Variants in SORCS1 observed in about 807,000 individuals in gnomAD.
SORCS1 encodes VPS10 domain-containing receptor SorCS1.
In SORCS1, 60 loss-of-function variants were observed where a neutral mutation model predicts 146.1. The ratio of observed to expected loss-of-function variants is 0.41; its 90% CI spans 0.33 to 0.51. The LOEUF is 0.51. Ranked by LOEUF, SORCS1 falls within the 20% of genes least tolerant of loss-of-function variation. The probability of loss-of-function intolerance (pLI) is 0.21; values close to 1 mark genes in which losing one functional copy is unlikely to be tolerated. For missense variants in SORCS1, 1,352 were observed against 1,487.6 expected (o/e 0.91, Z 1.50); for synonymous variants, 637 against 584.0 (o/e 1.09, Z -1.31).
intron 1 of SORCS1, among the ~76,000 whole-genome samples, chr10:106,959,919 T>C (rs1426470281): frequency 6.6e-6 from 1 of 152,096 alleles, no homozygotes; most frequent in Admixed American, 6.5e-5. Context: ...AAAAACTGAG[T>C]TCAAGTGTAG....
chr10:106,717,355 T>C (rs942900550), intron 6 of SORCS1, among the ~76,000 whole-genome samples: 4 of 152,246 alleles, frequency 2.6e-5, no homozygotes, highest in Non-Finnish European at 4.4e-5. Flanking sequence ...TCTAGTGCCC[T>C]CTGTCACATG....
chr10:106,777,145 C>T (rs1299293457), intron 3 of SORCS1, among the ~76,000 whole-genome samples: 1 of 152,114 alleles, frequency 6.6e-6, no homozygotes, highest in East Asian at 1.9e-4. Context: ...CGAATCTTTT[C>T]ATTCCACTTC....
intron 5 of SORCS1, among the ~76,000 whole-genome samples, chr10:106,759,982 CTATCTA>C (rs1858955129): frequency 6.6e-6 from 1 of 152,114 alleles, no homozygotes; most frequent in Non-Finnish European, 1.5e-5. Flanking sequence ...GCAAGTATCT[CTATCTA>C]TATATGTTAG....
chr10:107,044,460 CAAAT>C (rs1959208083), intron 1 of SORCS1, among the ~76,000 whole-genome samples: 1 of 60,416 alleles, frequency 1.7e-5, no homozygotes, highest in African/African-American at 6.5e-5. Context: ...ATGAAATAAA[CAAAT>C]AAATAAGAAA....
intron 24 of SORCS1, among the ~76,000 whole-genome samples, chr10:106,592,869 G>A (rs1463851005): frequency 6.6e-6 from 1 of 151,236 alleles, no homozygotes; most frequent in East Asian, 1.9e-4. Context: ...CAATTGTGGT[G>A]GCTCATGCCT....
intron 2 of SORCS1, among the ~76,000 whole-genome samples, chr10:106,856,279 G>A (rs938161949): frequency 3.9e-5 from 6 of 152,006 alleles, no homozygotes; most frequent in Non-Finnish European, 7.4e-5. Context: ...CACCCACCTC[G>A]GCCTCCCAAA....
chr10:106,699,306 A>C lies in SORCS1; in HGVS notation c.1321T>G (p.Ser441Ala). The change falls in exon 9 of 26, where the codon TCA becomes GCA. Residue 441 changes from serine to alanine, a missense_variant. By Grantham distance (99) the Ser-to-Ala change is moderately conservative. Transcript: ENST00000263054. ...GTGAAGTAGACACCACGTGTGTCTG[A>C]GATGTAGAGGTTGTACGTGTCATTC... ...NQNDTYNLYI[S>A]DTRGVYFTLA... 1 of 1,614,028 alleles carries C rather than the reference A, an allele frequency of 6.2e-7. No homozygotes were observed. The highest frequency in any genetic ancestry group is 8.5e-7 in the Non-Finnish European group (1 of 1,179,924).
intron 19 of SORCS1, among the ~76,000 whole-genome samples, 168 bp from the exon 20 acceptor site, chr10:106,620,729 T>C (rs574465884): frequency 2.0e-5 from 3 of 152,358 alleles, no homozygotes; most frequent in South Asian, 2.1e-4. Flanking sequence ...AAAGAATACA[T>C]TGAGCACAAT....
At chr10:106,919,587 T>A (rs1403035054) in intron 2 of SORCS1, among the ~76,000 whole-genome samples, 1 of 152,156 alleles carries the variant, frequency 6.6e-6, no homozygotes, top group African/African-American at 2.4e-5. Flanking sequence ...CCATAGAGCA[T>A]GAAGTGAAAA....
intron 1 of SORCS1, among the ~76,000 whole-genome samples, chr10:106,972,184 C>A (rs944725767): frequency 7.2e-5 from 11 of 151,898 alleles, no homozygotes; most frequent in African/African-American, 2.7e-4. Flanking sequence ...GAGTTTGAGA[C>A]CAGTCTGACC....
chr10:107,176,038 A>G, the SORCS1 span, among the ~76,000 whole-genome samples: 1 of 152,152 alleles, frequency 6.6e-6, no homozygotes, highest in East Asian at 1.9e-4. Flanking sequence ...ATACACACAT[A>G]TATATGTGTA....
intron 1 of SORCS1, among the ~76,000 whole-genome samples, chr10:106,987,608 A>T (rs373566290): frequency 2.6e-5 from 4 of 152,144 alleles, no homozygotes; most frequent in Non-Finnish European, 4.4e-5. Flanking sequence ...CTGTATAAAC[A>T]TAGTTCCCGC....
At chr10:106,649,862 C>T (rs969159206) in intron 18 of SORCS1, among the ~76,000 whole-genome samples, 2 of 152,062 alleles carry the variant, frequency 1.3e-5, no homozygotes, top group Admixed American at 6.5e-5. Context: ...CATTTAACTT[C>T]TATTCATATG....
chr10:106,975,740 G>T (rs2139272242), intron 1 of SORCS1, among the ~76,000 whole-genome samples: 1 of 152,270 alleles, frequency 6.6e-6, no homozygotes, highest in African/African-American at 2.4e-5. Context: ...GGTTGTGTCT[G>T]CTGCCACTTC....
upstream of SORCS1, among the ~76,000 whole-genome samples, chr10:107,165,467 A>G (rs1439356529): frequency 2.0e-5 from 3 of 152,122 alleles, no homozygotes; most frequent in Non-Finnish European, 4.4e-5. The surrounding 1 kb of genome is among the most constrained non-coding windows in gnomAD (Gnocchi z 4.0). Context: ...TTTTAAGCGT[A>G]TATATCTTGG....
chr10:106,667,487 A>G (rs909624887), intron 17 of SORCS1, among the ~76,000 whole-genome samples: 6 of 152,208 alleles, frequency 3.9e-5, no homozygotes, highest in Non-Finnish European at 5.9e-5. Flanking sequence ...TCTTTTTTCA[A>G]TTTGCAACTG....
chr10:106,958,525 T>C (rs1955072579), intron 1 of SORCS1, among the ~76,000 whole-genome samples: 1 of 152,154 alleles, frequency 6.6e-6, no homozygotes, highest in Admixed American at 6.5e-5. Context: ...GCAAGCAAAC[T>C]GGAACTCCCT....
chr10:106,825,897 A>T (rs958750022), intron 3 of SORCS1, among the ~76,000 whole-genome samples: 1 of 152,204 alleles, frequency 6.6e-6, no homozygotes, highest in Non-Finnish European at 1.5e-5. Flanking sequence ...GCTAATACCT[A>T]GGACCCCTCT....
Position 106,645,170 on chromosome 10 carries a change from ATTTTTT to A in SORCS1, c.2475+7206_2475+7211del, listed in dbSNP as rs3044909. ...TTTTTTTTTGAGAGGGTGTCTTATT[ATTTTTT>A]TTTTTTTTTTGAGAGGGAGTCTCAC... is the stretch of plus-strand genomic sequence containing the variant. On this transcript the variant is annotated intron_variant, in intron 18 of 25. Transcript: ENST00000263054. 3.7e-5 allele frequency among the ~76,000 whole-genome samples: 4 copies of A among 106,844 alleles called. No individual in the cohort carries two copies. The South Asian group carries it at 9.2e-4, about 25-fold the overall frequency. 70.1% of individuals were successfully genotyped at this position (106,844 alleles called of 152,430 possible). A position where few individuals can be genotyped will look rare whatever the true frequency, so the allele number is the denominator to read the frequency against.
Sources: allele counts gnomAD v4.1 joint callset (sites outside exome capture counted in the v4.1 genomes callset), GRCh38; gene constraint gnomAD v4.1.1; non-coding constraint Gnocchi (gnomAD v3.1); transcripts MANE v1.5; gene names NCBI Gene and HGNC (gene_info 2026-07-23, HGNC 2026-07-21).